Variants in CAMSAP2 observed in about 807,000 individuals in gnomAD.
CAMSAP2 encodes calmodulin-regulated spectrin-associated protein 2.
A neutral mutation model predicts 146.1 loss-of-function variants in CAMSAP2; 26 were observed. The observed-to-expected ratio is 0.18, with a 90% CI of 0.13 to 0.25. The LOEUF is 0.25. CAMSAP2 is among the 10% of genes least tolerant of loss of function. The probability of loss-of-function intolerance (pLI) is 1.00; values close to 1 mark genes in which losing one functional copy is unlikely to be tolerated. For synonymous variants in CAMSAP2, 499 were observed against 596.6 expected (o/e 0.84, Z 2.38); for missense variants, 1,381 against 1,759.3 (o/e 0.78, Z 3.85).
At chr1:200,760,559 A>G (rs1254973314) in intron 1 of CAMSAP2, among the ~76,000 whole-genome samples, 3 of 152,172 alleles carry the variant, frequency 2.0e-5, no homozygotes, top group Non-Finnish European at 2.9e-5. Context: ...ATGTGGGAAT[A>G]CTTTCCCAAG....
At chr1:200,817,149 TAC>T (rs201219415) in intron 4 of CAMSAP2, among the ~76,000 whole-genome samples, 70 of 117,082 alleles carry the variant, frequency 6.0e-4, no homozygotes, top group African/African-American at 1.7e-3. Context: ...TATATACACA[TAC>T]ACACATACAC....
chr1:200,797,372 G>A (rs1476163996), intron 2 of CAMSAP2, among the ~76,000 whole-genome samples: 1 of 151,248 alleles, frequency 6.6e-6, no homozygotes, highest in Non-Finnish European at 1.5e-5. Context: ...TCTAACTGGT[G>A]TGAGATGGTA....
At chr1:200,801,312 T>C (rs1231210409) in intron 2 of CAMSAP2, among the ~76,000 whole-genome samples, 3 of 152,054 alleles carry the variant, frequency 2.0e-5, no homozygotes, top group Admixed American at 1.3e-4. Flanking sequence ...CACTCTCTTC[T>C]GGCTTGTAGG....
At chr1:200,752,047 CAT>C (rs1558160568) in intron 1 of CAMSAP2, among the ~76,000 whole-genome samples, 1 of 152,102 alleles carries the variant, frequency 6.6e-6, no homozygotes, top group African/African-American at 2.4e-5. Flanking sequence ...ATATCACAAA[CAT>C]AATCTGTGGC....
At chr1:200,836,529 T>G (rs902450278) in intron 6 of CAMSAP2, among the ~76,000 whole-genome samples, 1 of 151,636 alleles carries the variant, frequency 6.6e-6, no homozygotes, top group African/African-American at 2.4e-5. Flanking sequence ...TCTTGGCTAT[T>G]GTTAATAGTG....
At chr1:200,767,203 C>T (rs946298697) in intron 2 of CAMSAP2, among the ~76,000 whole-genome samples, 7 of 151,948 alleles carry the variant, frequency 4.6e-5, no homozygotes, top group Non-Finnish European at 8.8e-5. Context: ...GGCATGGTGG[C>T]GCACTCCTGT....
chr1:200,754,707 T>C (rs934000599), intron 1 of CAMSAP2, among the ~76,000 whole-genome samples: 2 of 148,402 alleles, frequency 1.3e-5, no homozygotes, highest in Non-Finnish European at 3.0e-5. Context: ...CTCAGCCTCC[T>C]GAGTAGCTGG....
intron 11 of CAMSAP2, among the ~76,000 whole-genome samples, chr1:200,850,568 AT>A (rs35030299): frequency 2.0e-5 from 3 of 151,944 alleles, no homozygotes; most frequent in East Asian, 1.9e-4. Flanking sequence ...TAACACTGCC[AT>A]TTTTTTTAAC....
intron 7 of CAMSAP2, among the ~76,000 whole-genome samples, chr1:200,844,227 TTATCC>T (rs1404532041): frequency 6.6e-6 from 1 of 151,836 alleles, no homozygotes; most frequent in African/African-American, 2.4e-5. Context: ...TTCCCCCTAA[TTATCC>T]TTAATCAGAT....
intron 2 of CAMSAP2, among the ~76,000 whole-genome samples, chr1:200,779,568 AGGGAG>A (rs916829019): frequency 2.6e-5 from 4 of 152,210 alleles, no homozygotes; most frequent in African/African-American, 9.7e-5. Flanking sequence ...TGTGATGCCC[AGGGAG>A]GGCATGTTTC....
Position 200,848,075 on chromosome 1 carries a change from G to C in CAMSAP2, c.1306G>C (p.Glu436Gln), listed in dbSNP as rs748893296. ...GVSFDISFDK[E>Q]DSVQRSTPNR... ...ATCATTTGATATTTCTTTTGATAAAGAAGATAGTGTACAGAGATCCACTCC... is the reference window on the plus strand; with the variant it reads ...ATCATTTGATATTTCTTTTGATAAACAAGATAGTGTACAGAGATCCACTCC... The change falls in exon 11 of 17, where the codon GAA becomes CAA. Residue 436 changes from glutamate to glutamine, a missense_variant. Glu to Gln is a conservative substitution (Grantham distance 29). Coordinates refer to ENST00000358823, the MANE Select transcript of CAMSAP2 (RefSeq NM_203459.4). The C allele has an allele frequency of 6.4e-7, 1 of 1,573,694 alleles. No homozygotes were observed. The highest frequency in any genetic ancestry group is 1.2e-5 in the South Asian group (1 of 84,688).
chr1:200,802,041 T>C (rs1484778382), intron 2 of CAMSAP2, among the ~76,000 whole-genome samples: 1 of 152,222 alleles, frequency 6.6e-6, no homozygotes, highest in East Asian at 1.9e-4. Context: ...TACAACTGTC[T>C]TGGTTTAAAA....
At chr1:200,785,189 C>T (rs1042906563) in intron 2 of CAMSAP2, among the ~76,000 whole-genome samples, 9 of 152,180 alleles carry the variant, frequency 5.9e-5, no homozygotes, top group South Asian at 2.1e-4. Flanking sequence ...CAGCCATGTT[C>T]GTGAGAGATA....
At position 200,850,135 on chromosome 1, in the gene CAMSAP2, C is replaced by G. The variant is rs761082520; in HGVS notation, c.3366C>G (p.Pro1122=). 1 of 1,613,728 alleles carries G rather than the reference C, an allele frequency of 6.2e-7. No homozygotes were observed. The highest frequency in any genetic ancestry group is 8.5e-7 in the Non-Finnish European group (1 of 1,179,904). The change falls in exon 11 of 17, where the codon CCC becomes CCG. Residue 1122 remains proline, a synonymous_variant. Transcript: ENST00000358823. ...LIEVSLSDLK[P]PEKADVPVEK... is the part of the protein sequence containing the mutation. Reference sequence around the variant, plus strand: ...AAGTTTCCCTCTCAGATTTGAAACCCCCTGAAAAGGCTGATGTACCTGTTG... The same window carrying G: ...AAGTTTCCCTCTCAGATTTGAAACCGCCTGAAAAGGCTGATGTACCTGTTG...
chr1:200,747,290 G>A (rs1259307688), intron 1 of CAMSAP2, among the ~76,000 whole-genome samples: 1 of 152,172 alleles, frequency 6.6e-6, no homozygotes, highest in African/African-American at 2.4e-5. Flanking sequence ...TAATTAGAAA[G>A]AAAACCAAGG....
chr1:200,845,376 C>T (rs894440928), intron 8 of CAMSAP2, among the ~76,000 whole-genome samples: 2 of 151,534 alleles, frequency 1.3e-5, no homozygotes, highest in South Asian at 2.1e-4. Flanking sequence ...TTTAACAAGA[C>T]GAGGATTTTA....
chr1:200,803,673 A>G (rs1666095594), intron 2 of CAMSAP2, among the ~76,000 whole-genome samples: 1 of 152,156 alleles, frequency 6.6e-6, no homozygotes, highest in African/African-American at 2.4e-5. Flanking sequence ...TGAATATCAT[A>G]TGGAAATAAC....
chr1:200,742,943 C>T (rs2102983084), intron 1 of CAMSAP2, among the ~76,000 whole-genome samples: 1 of 152,088 alleles, frequency 6.6e-6, no homozygotes, highest in South Asian at 2.1e-4. Context: ...CTTCTCTTTA[C>T]AGTAGTATTA....
intron 2 of CAMSAP2, among the ~76,000 whole-genome samples, chr1:200,801,277 A>G (rs561439992): frequency 6.6e-6 from 1 of 151,786 alleles, no homozygotes; most frequent in Non-Finnish European, 1.5e-5. Flanking sequence ...AAAAAAAAAA[A>G]AATAGAATGT....
Sources: allele counts gnomAD v4.1 joint callset (sites outside exome capture counted in the v4.1 genomes callset), GRCh38; gene constraint gnomAD v4.1.1; transcripts MANE v1.5; gene names NCBI Gene and HGNC (gene_info 2026-07-23, HGNC 2026-07-21).